Variants in GALNTL6 observed in about 807,000 individuals in gnomAD.
The protein encoded by GALNTL6 is polypeptide N-acetylgalactosaminyltransferase-like 6.
GALNTL6 carries 46 observed loss-of-function variants against 73.7 expected under a neutral mutation model. That is an observed-to-expected ratio of 0.62 (90% CI 0.49 to 0.80). The LOEUF (loss-of-function observed/expected upper bound fraction) is 0.80, where lower values mean the gene tolerates loss of function less well. GALNTL6 is among the 30% of genes least tolerant of loss of function. The pLI, the probability that GALNTL6 is intolerant of heterozygous loss-of-function variation, is 0.00. For synonymous variants in GALNTL6, 259 were observed against 263.7 expected, an observed-to-expected ratio of 0.98 and a Z score of 0.17; for missense variants, 604 against 755.0, an observed-to-expected ratio of 0.80 and a Z score of 2.34.
chr4:171,895,000 G>A (rs992475801), intron 2 of GALNTL6, among the ~76,000 whole-genome samples: 5 of 152,116 alleles, frequency 3.3e-5, no homozygotes, highest in African/African-American at 1.2e-4. Flanking sequence ...GTGTGGTGGT[G>A]GAAGAAGTGA....
chr4:172,381,961 A>G (rs1743299400), intron 5 of GALNTL6, among the ~76,000 whole-genome samples: 1 of 152,154 alleles, frequency 6.6e-6, no homozygotes, highest in South Asian at 2.1e-4. Context: ...CCATGTCTTC[A>G]TCTACACTGG....
chr4:171,891,161 A>G (rs1321000470), intron 2 of GALNTL6, among the ~76,000 whole-genome samples: 4 of 152,204 alleles, frequency 2.6e-5, no homozygotes, highest in Non-Finnish European at 4.4e-5. Context: ...TCATGATTCC[A>G]CTGACCTAAT....
chr4:172,396,943 A>G (rs1421572015), intron 5 of GALNTL6, among the ~76,000 whole-genome samples: 2 of 152,232 alleles, frequency 1.3e-5, no homozygotes, highest in South Asian at 2.1e-4. Context: ...AAAATAATAT[A>G]TAATCTGTCC....
intron 5 of GALNTL6, among the ~76,000 whole-genome samples, chr4:172,773,302 GT>G (rs1738884136): frequency 6.6e-6 from 1 of 152,110 alleles, no homozygotes; most frequent in Non-Finnish European, 1.5e-5. Context: ...TTAAACTCAA[GT>G]GATCCTCCTG....
intron 5 of GALNTL6, among the ~76,000 whole-genome samples, chr4:172,481,555 G>A (rs1335548391): frequency 6.6e-6 from 1 of 152,092 alleles, no homozygotes; most frequent in Non-Finnish European, 1.5e-5. Context: ...GTTTTACAGA[G>A]AGCTGATTGG....
intron 2 of GALNTL6, among the ~76,000 whole-genome samples, chr4:172,212,359 A>G (rs1050690022): frequency 6.6e-6 from 1 of 151,656 alleles, no homozygotes; most frequent in Non-Finnish European, 1.5e-5. Context: ...ACGGGGTTTC[A>G]CCATGTTGAT....
At chr4:172,577,439 C>T (rs931014117) in intron 5 of GALNTL6, among the ~76,000 whole-genome samples, 5 of 152,084 alleles carry the variant, frequency 3.3e-5, no homozygotes, top group Admixed American at 6.6e-5. Flanking sequence ...GAAAATTGGT[C>T]GACATAACAT....
At chr4:172,940,196 T>TC (rs1748844985) in intron 9 of GALNTL6, among the ~76,000 whole-genome samples, 2 of 151,546 alleles carry the variant, frequency 1.3e-5, no homozygotes, top group Admixed American at 6.6e-5. Context: ...ACTTTTTTTT[T>TC]TTTTTTTTTG....
chr4:172,399,924 T>A (rs1430762956), intron 5 of GALNTL6, among the ~76,000 whole-genome samples: 1 of 152,184 alleles, frequency 6.6e-6, no homozygotes, highest in Non-Finnish European at 1.5e-5. Context: ...TTCATATAGG[T>A]ACTTAAAAAG....
At chr4:172,137,104 T>C (rs1276546523) in intron 2 of GALNTL6, among the ~76,000 whole-genome samples, 1 of 152,136 alleles carries the variant, frequency 6.6e-6, no homozygotes, top group Non-Finnish European at 1.5e-5. Flanking sequence ...CATTTAGTCT[T>C]AGAGACTAGA....
intron 5 of GALNTL6, among the ~76,000 whole-genome samples, chr4:172,379,430 T>C (rs1356026555): frequency 6.8e-6 from 1 of 147,930 alleles, no homozygotes; most frequent in Non-Finnish European, 1.5e-5. Context: ...CTTGGGAGGC[T>C]GAGGCAGGAG....
At chr4:171,986,564 A>G (rs10000672) in intron 2 of GALNTL6, among the ~76,000 whole-genome samples, 14,846 of 152,012 alleles carry the variant, frequency 0.098, 1,075 homozygotes, top group African/African-American at 0.2. Context: ...GATAATGGGC[A>G]ATGTTTCTCA....
At chr4:172,130,128 G>T (rs1331648420) in intron 2 of GALNTL6, among the ~76,000 whole-genome samples, 3 of 151,386 alleles carry the variant, frequency 2.0e-5, no homozygotes, top group African/African-American at 7.3e-5. Context: ...TCAATAGCAA[G>T]GTGGGTGCCA....
rs182518560 is a variant in GALNTL6, at chr4:172,980,537, A to G, written c.1371+28279A>G. On this transcript the variant is annotated intron_variant, in intron 10 of 12. Coordinates refer to ENST00000506823, the MANE Select transcript of GALNTL6 (RefSeq NM_001034845.3). ...GCTGGAATTCTGAGATCAGGATGCT[A>G]GCATGGTCAGGTCAGGTTCTCGCGA... Among the ~76,000 whole-genome samples the G allele has an allele frequency of 3.9e-5, 6 of 152,276 alleles. No homozygotes were observed. In the East Asian group the frequency reaches 1.2e-3, roughly 29 times the overall value.
intron 2 of GALNTL6, among the ~76,000 whole-genome samples, chr4:171,972,608 G>A (rs1427684684): frequency 1.3e-5 from 2 of 151,812 alleles, no homozygotes; most frequent in African/African-American, 4.8e-5. Flanking sequence ...TTCAAACTTT[G>A]AAATTTTAAA....
chr4:172,183,081 A>G (rs1735305059), intron 2 of GALNTL6, among the ~76,000 whole-genome samples: 2 of 152,176 alleles, frequency 1.3e-5, no homozygotes, highest in South Asian at 2.1e-4. Context: ...GTTGGGACAT[A>G]TTTAGTACAT....
intron 2 of GALNTL6, among the ~76,000 whole-genome samples, chr4:171,926,878 T>C (rs1381046995): frequency 1.3e-5 from 2 of 152,172 alleles, no homozygotes; most frequent in African/African-American, 4.8e-5. Flanking sequence ...CTTTTGCACA[T>C]AGTTTCTACT....
intron 8 of GALNTL6, among the ~76,000 whole-genome samples, chr4:172,922,021 C>T (rs1447270771): frequency 6.6e-6 from 1 of 152,086 alleles, no homozygotes. Flanking sequence ...GGGAGGGACC[C>T]AGGGGGAGGT....
intron 5 of GALNTL6, among the ~76,000 whole-genome samples, chr4:172,791,357 A>G (rs1183750689): frequency 6.6e-6 from 1 of 152,232 alleles, no homozygotes; most frequent in East Asian, 1.9e-4. Context: ...AGGCCCCAGT[A>G]TCCTCCATTG....
Sources: gnomAD v4.1 joint callset for allele counts (sites outside exome capture counted in the v4.1 genomes callset) on GRCh38, gnomAD v4.1.1 for gene constraint, MANE v1.5 for transcripts, NCBI Gene and HGNC (gene_info 2026-07-23, HGNC 2026-07-21) for gene names.